Variants in RAD17 observed in about 807,000 individuals in gnomAD.
The protein encoded by RAD17 is RAD17 checkpoint clamp loader component.
Under a neutral mutation model 81.5 loss-of-function variants are expected in RAD17, and 31 were observed. The observed-to-expected ratio is 0.38, with a 90% confidence interval of 0.29 to 0.51. RAD17 has a LOEUF of 0.51. Ranked by LOEUF, RAD17 falls within the 20% of genes least tolerant of loss-of-function variation. The pLI is 0.88. For missense variants in RAD17, 681 were observed against 781.2 expected (o/e 0.87, Z 1.53); for synonymous variants, 261 against 266.2 (o/e 0.98, Z 0.19).
chr5:69,413,440 GAAAAAAA>G (rs562241164), intron 18 of RAD17, among the ~76,000 whole-genome samples: 1 of 151,074 alleles, frequency 6.6e-6, no homozygotes, highest in African/African-American at 2.4e-5. Flanking sequence ...CAGTCTCAAT[GAAAAAAA>G]AGAAAAAAGA....
chr5:69,388,053 A>G (rs943633102), intron 11 of RAD17, among the ~76,000 whole-genome samples: 1 of 152,140 alleles, frequency 6.6e-6, no homozygotes, highest in Non-Finnish European at 1.5e-5. Flanking sequence ...TACTATAAGC[A>G]TGAGAACTGC....
Position 69,381,927 on chromosome 5 carries a change from T to A in RAD17, c.378T>A (p.Gly126=), listed in dbSNP as rs1408036275. 1 of 1,605,410 alleles carries A rather than the reference T, an allele frequency of 6.2e-7. No individual in the cohort carries two copies. Among genetic ancestry groups the A allele is most frequent in the Admixed American group, 1.7e-5 (1 of 58,490 alleles). Residue 126 remains glycine (G), a synonymous_variant, in exon 7 of 19, where the codon GGT becomes GGA. Coordinates refer to ENST00000354868, the MANE Select transcript of RAD17 (RefSeq NM_133338.3). Reference sequence around the variant, plus strand: ...GTGGATCTATTTTATTAATAACAGGTCCTCCTGGATGTGGAAAGACAACGA... The same window carrying A: ...GTGGATCTATTTTATTAATAACAGGACCTCCTGGATGTGGAAAGACAACGA... The part of the protein sequence containing the change: ...KQGGSILLIT[G]PPGCGKTTTL...
At chr5:69,380,481 A>G (rs1315352210) in intron 6 of RAD17, among the ~76,000 whole-genome samples, 3 of 152,222 alleles carry the variant, frequency 2.0e-5, no homozygotes, top group African/African-American at 7.2e-5. Flanking sequence ...ACATGACTGT[A>G]TATTGTTGAT....
rs1230153851 is a variant in RAD17, at chr5:69,386,230, GTC to G, written c.752_753del (p.Leu251GlnfsTer4). Reference sequence around the variant, plus strand: ...CCTCTTATATTTATAATCTCGGACAGTCTCAGTGGAGATAATAATCAAAGGTT... The same window carrying G: ...CCTCTTATATTTATAATCTCGGACAGTCAGTGGAGATAATAATCAAAGGTT... On this transcript the variant is annotated frameshift_variant, in exon 10 of 19. Coordinates refer to ENST00000354868, the MANE Select transcript of RAD17 (RefSeq NM_133338.3). LOFTEE classifies it high-confidence loss of function. 1 of 1,608,434 alleles carries G rather than the reference GTC, an allele frequency of 6.2e-7. No homozygotes were observed. The highest frequency in any genetic ancestry group is 8.5e-7 in the Non-Finnish European group (1 of 1,176,430).
At chr5:69,379,830 C>T (rs1763734930) in intron 6 of RAD17, among the ~76,000 whole-genome samples, 1 of 151,980 alleles carries the variant, frequency 6.6e-6, no homozygotes, top group African/African-American at 2.4e-5. Context: ...ACAACAGTGC[C>T]TTCTTCTGCA....
At chr5:69,406,642 A>AC (rs1765621505) in intron 17 of RAD17, among the ~76,000 whole-genome samples, 1 of 151,338 alleles carries the variant, frequency 6.6e-6, no homozygotes, top group Admixed American at 6.6e-5. Context: ...GCTGGTAACC[A>AC]CAGGTGCGCA....
chr5:69,396,179 A>C (rs1764873764), intron 15 of RAD17, among the ~76,000 whole-genome samples: 1 of 152,166 alleles, frequency 6.6e-6, no homozygotes, highest in African/African-American at 2.4e-5. Context: ...ACCCCTGTCC[A>C]AGATCCAGTC....
At chr5:69,395,907 C>G (rs567639743) in intron 15 of RAD17, among the ~76,000 whole-genome samples, 17 of 152,248 alleles carry the variant, frequency 1.1e-4, no homozygotes, top group African/African-American at 4.1e-4. Flanking sequence ...TTATCATACC[C>G]CATTGAAACT....
At chr5:69,385,136 T>G (rs978711650) in intron 8 of RAD17, among the ~76,000 whole-genome samples, 14 of 149,792 alleles carry the variant, frequency 9.3e-5, no homozygotes. Context: ...ATTTTTTGTA[T>G]TTTTTAGTAG....
chr5:69,393,016 T>A, intron 13 of RAD17, 139 bp from the exon 14 acceptor site: 1 of 556,592 alleles, frequency 1.8e-6, no homozygotes, highest in Non-Finnish European at 3.1e-6. Flanking sequence ...TCCAGTTGTT[T>A]TTTATTTATT....
chr5:69,371,381 A>G (rs1762974328), intron 2 of RAD17, 73 bp from the exon 3 acceptor site: 1 of 502,838 alleles, frequency 2.0e-6, no homozygotes, highest in Non-Finnish European at 3.6e-6. Flanking sequence ...TTATATCAGT[A>G]TACATTTATT....
chr5:69,399,742 ATG>A (rs111313082), intron 16 of RAD17, among the ~76,000 whole-genome samples: 51 of 152,282 alleles, frequency 3.3e-4, no homozygotes, highest in African/African-American at 1.1e-3. Flanking sequence ...GTAATTTATG[ATG>A]TGTGTGTGCT....
intron 18 of RAD17, among the ~76,000 whole-genome samples, chr5:69,413,214 A>G (rs1766121813): frequency 6.6e-6 from 1 of 151,936 alleles, no homozygotes. Flanking sequence ...GCGGAGGCAG[A>G]TGGATCACCT....
At chr5:69,379,532 T>G (rs1260552670) in intron 6 of RAD17, among the ~76,000 whole-genome samples, 1 of 152,160 alleles carries the variant, frequency 6.6e-6, no homozygotes, top group Admixed American at 6.5e-5. Flanking sequence ...CTTTTTTACT[T>G]TATAAACTTT....
rs1561251450 is a variant in RAD17 at position 69,386,476 on chromosome 5, G to A, written c.894+11G>A. On this transcript the variant is annotated intron_variant, in intron 11 of 18. Transcript: ENST00000354868. Reference sequence around the variant, plus strand: ...ATAGAAGCTAACAAGGTAAGTCTCTGATTAATTAAACCTTACTCGATAACT... The same window carrying A: ...ATAGAAGCTAACAAGGTAAGTCTCTAATTAATTAAACCTTACTCGATAACT... 6 of 1,570,060 alleles carry A rather than the reference G, an allele frequency of 3.8e-6. No individual in the cohort carries two copies. Among genetic ancestry groups the A allele is most frequent in the Non-Finnish European group, 5.2e-6 (6 of 1,163,120 alleles).
In RAD17 at chr5:69,377,612, T is replaced by TGC. The variant is rs1389998007; in HGVS notation, c.351+2901_351+2902insGC. On this transcript the variant is annotated intron_variant, in intron 6 of 18. Transcript: ENST00000354868. ...ATATATATATGCATATATATATGTA[T>TGC]ACATATATATGCATATATATGTATA... 8.9e-5 allele frequency among the ~76,000 whole-genome samples: 2 copies of TGC among 22,432 alleles called. 1 individual carries two copies. The highest frequency in any genetic ancestry group is 1.9e-4 in the Non-Finnish European group (2 of 10,610). 14.7% of individuals were successfully genotyped at this position (22,432 alleles called of 152,430 possible).
rs1332748101 is a variant in RAD17, at chr5:69,405,459, G to A, written c.1694-5034G>A. ...AGGTGGGTGGATCACCTGAGGTCGG[G>A]AGTTCGAGACTAGCCTGACCAACAT... is the stretch of plus-strand genomic sequence containing the variant. On this transcript the variant is annotated intron_variant, in intron 17 of 18. Transcript: ENST00000354868. Among the ~76,000 whole-genome samples the A allele has an allele frequency of 2.0e-5, 3 of 151,814 alleles. No individual in the cohort carries two copies. The South Asian group carries it at 6.3e-4, about 32-fold the overall frequency.
chr5:69,374,530 ACTT>A (rs1763218454), intron 5 of RAD17, 95 bp from the exon 6 acceptor site: 2 of 696,774 alleles, frequency 2.9e-6, no homozygotes, highest in Admixed American at 3.2e-5. Flanking sequence ...CTGATTTGCT[ACTT>A]CTTTTCGTTA....
intron 6 of RAD17, among the ~76,000 whole-genome samples, chr5:69,381,252 G>A (rs1422613654): frequency 2.6e-5 from 4 of 151,954 alleles, no homozygotes; most frequent in African/African-American, 4.8e-5. Flanking sequence ...AGACCATGGC[G>A]GGCAAATCAC....
Sources: allele counts gnomAD v4.1 joint callset (sites outside exome capture counted in the v4.1 genomes callset), GRCh38; gene constraint gnomAD v4.1.1; transcripts MANE v1.5; gene names NCBI Gene and HGNC (gene_info 2026-07-23, HGNC 2026-07-21).